The following NEDD4L variants were observed in gnomAD, a reference collection of about 807,000 sequenced individuals.
The protein encoded by NEDD4L is E3 ubiquitin-protein ligase NEDD4-like.
In NEDD4L, 54 loss-of-function variants were observed where a neutral mutation model predicts 148.9. The ratio of observed to expected loss-of-function variants is 0.36; its 90% CI spans 0.29 to 0.45. The LOEUF (loss-of-function observed/expected upper bound fraction) is 0.45. Ranked by LOEUF, NEDD4L falls within the 20% of genes least tolerant of loss-of-function variation. The probability of loss-of-function intolerance (pLI) is 1.00; values close to 1 mark genes in which losing one functional copy is unlikely to be tolerated. For missense variants in NEDD4L, 856 were observed against 1,233.8 expected (o/e 0.69, Z 4.59); for synonymous variants, 433 against 440.7 (o/e 0.98, Z 0.22).
At chr18:58,315,318 G>C (rs564584228) in intron 5 of NEDD4L, among the ~76,000 whole-genome samples, 2 of 152,208 alleles carry the variant, frequency 1.3e-5, no homozygotes, top group African/African-American at 4.8e-5. Context: ...GGACTGGTGC[G>C]TGGCTCCAAA....
chr18:58,392,755 G>C lies in NEDD4L; in HGVS notation c.2825+1196G>C, dbSNP rs373522259. ...TGTCCAAGTCATATGTGGTTTTCTGGGTTCTACTGGCCTCCATATGAAGGC... is the reference window on the plus strand; with the variant it reads ...TGTCCAAGTCATATGTGGTTTTCTGCGTTCTACTGGCCTCCATATGAAGGC... On this transcript the variant is annotated intron_variant, in intron 30 of 30. Coordinates refer to ENST00000400345, the MANE Select transcript of NEDD4L (RefSeq NM_001144967.3). Among the ~76,000 whole-genome samples the C allele has an allele frequency of 7.2e-5, 11 of 152,136 alleles. No homozygotes were observed. The East Asian group carries it at 1.7e-3, about 24-fold the overall frequency.
intron 1 of NEDD4L, among the ~76,000 whole-genome samples, chr18:58,074,327 C>T (rs969226996): frequency 1.3e-5 from 2 of 150,750 alleles, no homozygotes; most frequent in African/African-American, 2.4e-5. Context: ...GATGCCATCT[C>T]GGCTCACTGC....
At chr18:58,278,502 T>C (rs1443290726) in intron 5 of NEDD4L, among the ~76,000 whole-genome samples, 1 of 152,164 alleles carries the variant, frequency 6.6e-6, no homozygotes, top group Non-Finnish European at 1.5e-5. Flanking sequence ...ATTTTACAGA[T>C]CTTATCCTCT....
chr18:58,378,540 G>A (rs2047884323), intron 24 of NEDD4L, among the ~76,000 whole-genome samples: 2 of 152,200 alleles, frequency 1.3e-5, no homozygotes, highest in Admixed American at 6.5e-5. Flanking sequence ...GTGGCACCTG[G>A]GGAGACGGGA....
chr18:58,088,732 A>T (rs1174170310), intron 1 of NEDD4L, among the ~76,000 whole-genome samples: 1 of 152,210 alleles, frequency 6.6e-6, no homozygotes, highest in Non-Finnish European at 1.5e-5. Flanking sequence ...AATCAGTATA[A>T]ATAGAAGCTT....
Position 58,365,056 on chromosome 18 carries a change from G to C in NEDD4L, c.1833+723G>C, listed in dbSNP as rs551687752. On this transcript the variant is annotated intron_variant, in intron 20 of 30. Transcript: ENST00000400345. ...GCTGCAGCTCAGACCCCCTCTGGTG[G>C]CCTGGGCTCCATTGCCATCTCTCCC... Among the ~76,000 whole-genome samples, 8 of 152,242 alleles carry C rather than the reference G, an allele frequency of 5.3e-5. No individual in the cohort carries two copies. The South Asian group carries it at 1.5e-3, about 28-fold the overall frequency.
chr18:58,307,928 A>G (rs17064741), intron 5 of NEDD4L, among the ~76,000 whole-genome samples: 48,250 of 151,976 alleles, frequency 0.32, 7,970 homozygotes, highest in Middle Eastern at 0.42. Context: ...TATCATTGCT[A>G]TTTTTTCCTT....
At chr18:58,253,991 G>GCT (rs549546931) in intron 5 of NEDD4L, among the ~76,000 whole-genome samples, 2 of 146,446 alleles carry the variant, frequency 1.4e-5, no homozygotes, top group Non-Finnish European at 3.0e-5. Context: ...TGGTGTTGCT[G>GCT]TTTTTTTTTT....
At chr18:58,304,835 AC>A (rs1166578924) in intron 5 of NEDD4L, among the ~76,000 whole-genome samples, 2 of 152,226 alleles carry the variant, frequency 1.3e-5, no homozygotes. Context: ...TGTATGTTGC[AC>A]TAAATGACTT....
rs140474823 is a variant in NEDD4L, at chr18:58,220,667, T to C, written c.123-24760T>C. ...GCATGCCACCACATTTGAGTGCATA[T>C]AGAAAGTTAGCTGTTTGCTACAACT... On this transcript the variant is annotated intron_variant, in intron 2 of 30. Transcript: ENST00000400345. Among the ~76,000 whole-genome samples the C allele has an allele frequency of 2.6e-4, 39 of 152,272 alleles. 2 individuals carry two copies. The South Asian group carries it at 5.6e-3, about 22-fold the overall frequency.
At chr18:58,338,413 A>G (rs9953918) in intron 13 of NEDD4L, among the ~76,000 whole-genome samples, 53,388 of 152,088 alleles carry the variant, frequency 0.35, 10,020 homozygotes, top group African/African-American at 0.47. Context: ...TGGAATCATC[A>G]GCACAAGTTG....
At chr18:58,227,199 T>G (rs1226359655) in intron 2 of NEDD4L, among the ~76,000 whole-genome samples, 5 of 152,192 alleles carry the variant, frequency 3.3e-5, no homozygotes, top group African/African-American at 1.2e-4. Flanking sequence ...TCCGCAGAGG[T>G]AGAGCGTTTT....
Position 58,245,500 on chromosome 18 carries a change from A to G in NEDD4L, c.196A>G (p.Ile66Val), listed in dbSNP as rs646509. Reference protein sequence around the residue: ...RELALVQTKTIKKTLNPKWNE... With the variant: ...RELALVQTKTVKKTLNPKWNE... ...ACTTGCTTTGGTCCAGACAAAAACA[A>G]TTAAAAAGGTAGGTGTCGATCTTTA... is the stretch of plus-strand genomic sequence containing the variant. The change falls in exon 3 of 31, where the codon ATT (isoleucine) becomes GTT (valine). Residue 66 changes from isoleucine (I) to valine (V), a missense_variant. This residue lies in a region of NEDD4L where 193 missense variants were observed against 244.2 expected (regional missense o/e 0.79). Transcript: ENST00000400345. 6.5e-7 allele frequency: 1 copy of G among 1,550,340 alleles called. No homozygotes were observed. The highest frequency in any genetic ancestry group is 2.3e-5 in the East Asian group (1 of 43,974).
chr18:58,268,570 G>A (rs2050566638), intron 5 of NEDD4L, among the ~76,000 whole-genome samples: 1 of 152,066 alleles, frequency 6.6e-6, no homozygotes, highest in Non-Finnish European at 1.5e-5. Flanking sequence ...CTGAGGGCTT[G>A]ACAGATGAGC....
At chr18:58,334,989 AT>A (rs1433542324) in intron 12 of NEDD4L, among the ~76,000 whole-genome samples, 1 of 152,144 alleles carries the variant, frequency 6.6e-6, no homozygotes, top group Admixed American at 6.5e-5. Flanking sequence ...ATGATCTGTG[AT>A]TTTCCTTGAA....
At chr18:58,179,730 C>G (rs753322812) in intron 2 of NEDD4L, among the ~76,000 whole-genome samples, 1 of 151,650 alleles carries the variant, frequency 6.6e-6, no homozygotes, top group Non-Finnish European at 1.5e-5. Context: ...TGATCCGTCA[C>G]TGTCCCCCAT....
At chr18:58,395,578 G>GTC (rs2050387922) in intron 30 of NEDD4L, among the ~76,000 whole-genome samples, 13 of 151,698 alleles carry the variant, frequency 8.6e-5, no homozygotes, top group Admixed American at 8.5e-4. Flanking sequence ...ACTTTGATCA[G>GTC]AGGAGGTAGC....
chr18:58,386,016 C>G (rs557836661), intron 26 of NEDD4L, among the ~76,000 whole-genome samples: 25 of 151,772 alleles, frequency 1.6e-4, no homozygotes, highest in Non-Finnish European at 3.1e-4. Flanking sequence ...CCCTCCCTCC[C>G]TGGATCACTG....
chr18:58,169,598 A>T (rs938189002), intron 2 of NEDD4L, among the ~76,000 whole-genome samples: 1 of 152,236 alleles, frequency 6.6e-6, no homozygotes, highest in Non-Finnish European at 1.5e-5. Context: ...CCTTTTAAAA[A>T]AGCAGGCCTC....
Sources: gnomAD v4.1 joint callset for allele counts (sites outside exome capture counted in the v4.1 genomes callset) on GRCh38, gnomAD v4.1.1 for gene constraint, gnomAD v4.1.1 regional missense constraint, MANE v1.5 for transcripts, NCBI Gene and HGNC (gene_info 2026-07-23, HGNC 2026-07-21) for gene names.